MIPOL1: variants seen among roughly 807,000 people sequenced by gnomAD.
The protein encoded by MIPOL1 is mirror-image polydactyly 1, also known as mirror-image polydactyly gene 1 protein.
A neutral mutation model predicts 60.9 loss-of-function variants in MIPOL1; 57 were observed. The observed-to-expected ratio is 0.94, with a 90% CI of 0.76 to 1.17. The LOEUF (loss-of-function observed/expected upper bound fraction) is 1.17, where lower values mean the gene tolerates loss of function less well. MIPOL1 is among the 50% of genes most tolerant of loss of function. The pLI is 0.00. For missense variants in MIPOL1, 551 were observed against 511.6 expected, an observed-to-expected ratio of 1.08 and a Z score of -0.74; for synonymous variants, 179 against 168.8, an observed-to-expected ratio of 1.06 and a Z score of -0.47.
intron 10 of MIPOL1, among the ~76,000 whole-genome samples, chr14:37,421,247 C>A (rs1004795415): frequency 2.0e-5 from 3 of 152,040 alleles, no homozygotes; most frequent in African/African-American, 7.2e-5. Context: ...TGCACAGGTA[C>A]CAAGTAAAAG....
At chr14:37,288,802 GA>G (rs56177926) in intron 7 of MIPOL1, among the ~76,000 whole-genome samples, 11,694 of 144,542 alleles carry the variant, frequency 0.081, 610 homozygotes, top group Non-Finnish European at 0.12. Flanking sequence ...CCTGTCTCAA[GA>G]AAAAAAAAAA....
intron 3 of MIPOL1, among the ~76,000 whole-genome samples, chr14:37,253,489 G>GCCA (rs1253117400): frequency 2.1e-4 from 32 of 151,462 alleles, no homozygotes; most frequent in African/African-American, 6.3e-4. Flanking sequence ...GTGTGATGGT[G>GCCA]GTAGGTTACA....
At chr14:37,391,936 A>G (rs1324227940) in intron 10 of MIPOL1, among the ~76,000 whole-genome samples, 3 of 151,554 alleles carry the variant, frequency 2.0e-5, no homozygotes, top group Non-Finnish European at 2.9e-5. Context: ...ATGAAGGGGG[A>G]AAGTGATATA....
chr14:37,413,623 A>G (rs2093715089), intron 10 of MIPOL1, among the ~76,000 whole-genome samples: 1 of 152,192 alleles, frequency 6.6e-6, no homozygotes, highest in South Asian at 2.1e-4. Context: ...AACCTAACAT[A>G]TTCACAGGTT....
At chr14:37,485,709 T>C (rs536825692) in intron 11 of MIPOL1, among the ~76,000 whole-genome samples, 50 of 152,168 alleles carry the variant, frequency 3.3e-4, no homozygotes, top group Non-Finnish European at 6.8e-4. Flanking sequence ...TTGTCTAAGT[T>C]CTTTGTAGGT....
intron 11 of MIPOL1, among the ~76,000 whole-genome samples, chr14:37,430,640 C>T (rs2094046593): frequency 6.6e-6 from 1 of 152,006 alleles, no homozygotes; most frequent in African/African-American, 2.4e-5. Flanking sequence ...GATTGCCTCA[C>T]CTGTAAACAG....
intron 9 of MIPOL1, among the ~76,000 whole-genome samples, chr14:37,346,934 C>T (rs551499810): frequency 2.8e-4 from 43 of 152,106 alleles, no homozygotes; most frequent in Non-Finnish European, 4.6e-4. Context: ...AGAGCCACAC[C>T]TGCTTCATAT....
At chr14:37,249,146 T>A (rs1001397252) in intron 3 of MIPOL1, among the ~76,000 whole-genome samples, 3 of 152,146 alleles carry the variant, frequency 2.0e-5, no homozygotes, top group Admixed American at 6.6e-5. Context: ...TCTTTCTGAA[T>A]GTGATATTAC....
intron 11 of MIPOL1, among the ~76,000 whole-genome samples, chr14:37,425,987 A>G (rs1278815318): frequency 6.6e-6 from 1 of 152,144 alleles, no homozygotes; most frequent in African/African-American, 2.4e-5. Flanking sequence ...CCTTGAAGAA[A>G]CTTGAGTAAG....
At chr14:37,270,641 CTTTTT>C in intron 6 of MIPOL1, 116 bp downstream of exon 6, 299 of 211,856 alleles carry the variant, frequency 1.4e-3, no homozygotes, top group East Asian at 2.4e-3. Context: ...GGAAGCTCTC[CTTTTT>C]TTTTTTTTTT....
chr14:37,446,877 G>C (rs2094344148), intron 11 of MIPOL1, among the ~76,000 whole-genome samples: 1 of 150,108 alleles, frequency 6.7e-6, no homozygotes, highest in Non-Finnish European at 1.5e-5. Context: ...TGAAGAATGA[G>C]AACACATGGA....
At chr14:37,203,217 A>G (rs1031586790) in intron 1 of MIPOL1, among the ~76,000 whole-genome samples, 1 of 152,230 alleles carries the variant, frequency 6.6e-6, no homozygotes, top group Non-Finnish European at 1.5e-5. Flanking sequence ...ACAGTTTACT[A>G]TAGTGGAAAG....
chr14:37,473,863 A>G (rs200518299), intron 11 of MIPOL1, among the ~76,000 whole-genome samples: 25,031 of 151,974 alleles, frequency 0.16, 3,835 homozygotes, highest in African/African-American at 0.4. Context: ...CCATACTAAA[A>G]TACTAAAATA....
chr14:37,402,929 A>G lies in MIPOL1; in HGVS notation c.937-19926A>G, dbSNP rs564264612. On this transcript the variant is annotated intron_variant, in intron 10 of 12. Coordinates refer to ENST00000684589, the MANE Select transcript of MIPOL1 (RefSeq NM_001388067.1). Reference sequence around the variant, plus strand: ...TCAGTAGTAGCCATGGCTGCTCTGCATGGTTATATAAGATGGGTAGGCTTG... The same window carrying G: ...TCAGTAGTAGCCATGGCTGCTCTGCGTGGTTATATAAGATGGGTAGGCTTG... Among the ~76,000 whole-genome samples the G allele has an allele frequency of 2.0e-5, 3 of 152,268 alleles. No homozygotes were observed. The East Asian group carries it at 5.8e-4, about 30-fold the overall frequency.
At chr14:37,524,481 G>T (rs2095433455) in intron 12 of MIPOL1, among the ~76,000 whole-genome samples, 1 of 151,816 alleles carries the variant, frequency 6.6e-6, no homozygotes, top group African/African-American at 2.4e-5. Context: ...TCTTTAGCAG[G>T]TTGAATTTCA....
intron 11 of MIPOL1, among the ~76,000 whole-genome samples, chr14:37,492,331 G>T (rs2153606782): frequency 6.6e-6 from 1 of 152,198 alleles, no homozygotes; most frequent in East Asian, 1.9e-4. Flanking sequence ...TTTTAAAAAA[G>T]AATGATTTAA....
intron 7 of MIPOL1, among the ~76,000 whole-genome samples, chr14:37,304,557 T>C (rs2086627171): frequency 6.6e-6 from 1 of 151,796 alleles, no homozygotes; most frequent in Non-Finnish European, 1.5e-5. Flanking sequence ...ATCAGAATTT[T>C]CTGATTAGAA....
intron 1 of MIPOL1, among the ~76,000 whole-genome samples, chr14:37,207,905 C>T (rs1387726454): frequency 6.6e-6 from 1 of 152,040 alleles, no homozygotes; most frequent in East Asian, 1.9e-4. Context: ...ACTATAAATC[C>T]CATACTTGTT....
rs1316502277 is a variant in MIPOL1 at position 37,547,562 on chromosome 14, A to G, written c.*591A>G. The stretch of plus-strand genomic sequence containing the variant: ...GTATAATTTGTTTAATAAGAGATGG[A>G]TATATTAAAATTACATTCATCAAGG... On this transcript the variant is annotated 3_prime_UTR_variant, in exon 13 of 13. Coordinates refer to ENST00000684589, the MANE Select transcript of MIPOL1 (RefSeq NM_001388067.1). 6.6e-6 allele frequency: 1 copy of G among 152,580 alleles called. No homozygotes were observed. The highest frequency in any genetic ancestry group is 1.9e-4 in the East Asian group (1 of 5,200). 9.5% of individuals were successfully genotyped at this position (152,580 alleles called of 1,614,324 possible).
Sources: allele counts gnomAD v4.1 joint callset (sites outside exome capture counted in the v4.1 genomes callset), GRCh38; gene constraint gnomAD v4.1.1; transcripts MANE v1.5; gene names NCBI Gene and HGNC (gene_info 2026-07-23, HGNC 2026-07-21).